HEATR3: variants seen among roughly 807,000 people sequenced by gnomAD.
HEATR3 encodes the protein HEAT repeat containing 3.
In HEATR3, 56 loss-of-function variants were observed where a neutral mutation model predicts 72.8. The observed-to-expected ratio is 0.77, with a 90% CI of 0.62 to 0.96. HEATR3 has a LOEUF of 0.96. Ranked by LOEUF, HEATR3 falls within the 40% of genes least tolerant of loss-of-function variation. HEATR3 has a pLI of 0.00. For missense variants in HEATR3, 747 were observed against 831.4 expected (o/e 0.90, Z 1.25); for synonymous variants, 331 against 318.1 (o/e 1.04, Z -0.43).
intron 6 of HEATR3, among the ~76,000 whole-genome samples, chr16:50,076,155 G>A (rs943905702): frequency 1.3e-5 from 2 of 150,752 alleles, no homozygotes; most frequent in Non-Finnish European, 2.9e-5. Context: ...GTCTTGCAGA[G>A]ATAATTTATG....
At chr16:50,083,893 C>T (rs1320707274) in intron 7 of HEATR3, 44 bp from the exon 8 acceptor site, 4 of 1,536,126 alleles carry the variant, frequency 2.6e-6, no homozygotes, top group Non-Finnish European at 3.5e-6. Flanking sequence ...AACATTTTCC[C>T]AACCATTGAG....
chr16:50,083,858 G>A, intron 7 of HEATR3, 79 bp from the exon 8 acceptor site: 1 of 1,301,948 alleles, frequency 7.7e-7, no homozygotes, highest in Non-Finnish European at 1.1e-6. Context: ...CTTCTAGTAG[G>A]CTTTCACTAA....
intron 5 of HEATR3, chr16:50,073,947 T>G (rs1315138232): frequency 1.3e-5 from 2 of 152,206 alleles, no homozygotes; most frequent in African/African-American, 4.8e-5. Flanking sequence ...CTTATAAGAT[T>G]CCATCCCATG....
intron 7 of HEATR3, among the ~76,000 whole-genome samples, chr16:50,081,546 G>A (rs745313353): frequency 2.0e-4 from 31 of 152,108 alleles, no homozygotes; most frequent in Non-Finnish European, 4.1e-4. Flanking sequence ...AAGAAGAAAA[G>A]GAGAATAAAG....
chr16:50,080,993 G>T (rs1245009770), intron 7 of HEATR3, among the ~76,000 whole-genome samples: 1 of 152,210 alleles, frequency 6.6e-6, no homozygotes, highest in Non-Finnish European at 1.5e-5. Context: ...GAGTAAGGTT[G>T]GGGGTGAGAC....
chr16:50,099,346 A>G (rs2150627320), intron 12 of HEATR3, among the ~76,000 whole-genome samples: 1 of 152,292 alleles, frequency 6.6e-6, no homozygotes, highest in East Asian at 1.9e-4. Context: ...GGCTCATACT[A>G]ATAATCCTAA....
chr16:50,105,160 T>C lies in HEATR3; in HGVS notation c.*99T>C. 1 of 1,308,332 alleles carries C rather than the reference T, an allele frequency of 7.6e-7. No homozygotes were observed. Among genetic ancestry groups the C allele is most frequent in the South Asian group, 1.3e-5 (1 of 77,990 alleles). 81.0% of individuals were successfully genotyped at this position (1,308,332 alleles called of 1,614,324 possible). ...GTATATGTTTCTGAAAGTCATTTTT[T>C]AATGATTACATTCTGTACATTCTGT... On this transcript the variant is annotated 3_prime_UTR_variant, in exon 15 of 15. Transcript: ENST00000299192.
In HEATR3 at chr16:50,070,228, T is replaced by G; in HGVS notation, c.450T>G (p.Asp150Glu). ...AGATGTCTCTGCAGGAGAAAAAAGA[T>G]CAGAACAGAAATTCTATTGAGAACA... ...SNEMSLQEKK[D>E]QNRNSIENIA... is the part of the protein sequence containing the mutation. The change falls in exon 4 of 15, where the codon GAT becomes GAG. Residue 150 changes from aspartate (D) to glutamate (E), a missense_variant. Asp to Glu is a conservative substitution (Grantham distance 45). Transcript: ENST00000299192. The G allele has an allele frequency of 1.9e-6, 3 of 1,611,172 alleles. No homozygotes were observed. Among genetic ancestry groups the G allele is most frequent in the Non-Finnish European group, 2.5e-6 (3 of 1,178,104 alleles).
rs75634242 is a variant in HEATR3 at position 50,084,082 on chromosome 16, C to T, written c.1133-52C>T. ...CCCCCTGAGCCAAGAGGGAAACTCC[C>T]GTGGAGATTTTCTTAACTATTCCAG... On this transcript the variant is annotated intron_variant, in intron 8 of 14. Coordinates refer to ENST00000299192, the MANE Select transcript of HEATR3 (RefSeq NM_182922.4). 5.3e-3 allele frequency: 8,513 copies of T among 1,613,704 alleles called. 402 individuals carry two copies. In the African/African-American group the frequency reaches 0.1, roughly 19 times the overall value.
At chr16:50,104,832 C>T (rs529045008) in intron 14 of HEATR3, 107 bp from the exon 15 acceptor site, 7 of 997,680 alleles carry the variant, frequency 7.0e-6, no homozygotes, top group East Asian at 2.9e-5. Flanking sequence ...ATTCTTACAG[C>T]TATCTGCTTC....
chr16:50,099,788 G>A lies in HEATR3; in HGVS notation c.1600-442G>A, dbSNP rs192489842. Among the ~76,000 whole-genome samples the A allele has an allele frequency of 4.9e-4, 75 of 152,296 alleles. 2 individuals carry two copies. Among genetic ancestry groups the A allele is most frequent in the Admixed American group, 1.5e-3 (23 of 15,284 alleles). ...CTACATGGTAGAAGCACCATATAAT[G>A]TAATGGTTTCTACAGTCTTTAATTA... On this transcript the variant is annotated intron_variant, in intron 12 of 14. Transcript: ENST00000299192.
intron 2 of HEATR3, among the ~76,000 whole-genome samples, chr16:50,067,565 G>A (rs1197134810): frequency 6.6e-6 from 1 of 151,878 alleles, no homozygotes; most frequent in Non-Finnish European, 1.5e-5. Context: ...ATTACAGGAA[G>A]TGAGGCTGGA....
intron 14 of HEATR3, among the ~76,000 whole-genome samples, chr16:50,103,178 A>T (rs951367118): frequency 6.6e-6 from 1 of 152,250 alleles, no homozygotes; most frequent in African/African-American, 2.4e-5. Context: ...ATTAATAGTT[A>T]GAGTCATCAA....
intron 11 of HEATR3, among the ~76,000 whole-genome samples, chr16:50,088,767 G>T (rs903144111): frequency 9.2e-5 from 14 of 152,246 alleles, no homozygotes; most frequent in African/African-American, 2.9e-4. Flanking sequence ...AGAGGCAGGG[G>T]GCAGAGCCAG....
rs2036712160 is a variant in HEATR3 at position 50,075,708 on chromosome 16, G to C, written c.760G>C (p.Ala254Pro). 1 of 1,611,658 alleles carries C rather than the reference G, an allele frequency of 6.2e-7. No individual in the cohort carries two copies. The highest frequency in any genetic ancestry group is 1.7e-5 in the Admixed American group (1 of 59,966). ...ATCTCTTCTATTGAAGACATTGGTA[G>C]CAGGTAAAATTTAGCCTTACGGCAT... is the stretch of plus-strand genomic sequence containing the variant. ...MESLLLKTLV[A>P]GTIWNLKDII... The change falls in exon 6 of 15, where the codon GCA (alanine) becomes CCA (proline). Residue 254 changes from alanine to proline, a missense_variant. By Grantham distance (27) the Ala-to-Pro change is conservative. Transcript: ENST00000299192.
At position 50,086,149 on chromosome 16, in the gene HEATR3, G is replaced by T. The variant is rs563258370; in HGVS notation, c.1374-66G>T. On this transcript the variant is annotated intron_variant, in intron 10 of 14. Coordinates refer to ENST00000299192, the MANE Select transcript of HEATR3 (RefSeq NM_182922.4). ...TCAGAACGTGAAGCTTAGGCTAAAA[G>T]TTAATACTGAATTCTGATGGGCAAC... 50 of 1,458,386 alleles carry T rather than the reference G, an allele frequency of 3.4e-5. No individual in the cohort carries two copies. The East Asian group carries it at 1.2e-3, about 34-fold the overall frequency. The allele number at this position is 1,458,386 out of a possible 1,614,324, so 90.3% of individuals were successfully genotyped here.
intron 3 of HEATR3, chr16:50,069,117 T>C (rs929682303): frequency 3.2e-6 from 1 of 307,742 alleles, no homozygotes; most frequent in African/African-American, 2.2e-5. Context: ...GTTAAACTTC[T>C]TACAATAAAA....
rs757607673 is a variant in HEATR3 at position 50,084,116 on chromosome 16, G to C, written c.1133-18G>C. The C allele has an allele frequency of 6.2e-7, 1 of 1,614,056 alleles. No homozygotes were observed. The highest frequency in any genetic ancestry group is 1.1e-5 in the South Asian group (1 of 91,082). The stretch of plus-strand genomic sequence containing the variant: ...TTTCTTAACTATTCCAGTTCTGCGT[G>C]GTTTGCCCGCTTCCCAGATCCCTCT... On this transcript the variant is annotated intron_variant, in intron 8 of 14. Coordinates refer to ENST00000299192, the MANE Select transcript of HEATR3 (RefSeq NM_182922.4).
intron 10 of HEATR3, 22 bp from the exon 11 acceptor site, chr16:50,086,193 C>T (rs573417281): frequency 6.4e-7 from 1 of 1,562,792 alleles, no homozygotes; most frequent in Middle Eastern, 2.3e-4. Flanking sequence ...AATCAGATGG[C>T]ATTGTTTCAC....
Sources: allele counts gnomAD v4.1 joint callset (sites outside exome capture counted in the v4.1 genomes callset), GRCh38; gene constraint gnomAD v4.1.1; transcripts MANE v1.5; gene names NCBI Gene and HGNC (gene_info 2026-07-23, HGNC 2026-07-21).